KCNK3: variants seen among roughly 807,000 people sequenced by gnomAD.
KCNK3 encodes the protein potassium channel subfamily K member 3.
Under a neutral mutation model 27.3 loss-of-function variants are expected in KCNK3, and 9 were observed. The ratio of observed to expected loss-of-function variants is 0.33; its 90% CI spans 0.20 to 0.57. KCNK3 has a LOEUF of 0.57. Among genes scored for constraint, KCNK3 ranks in the 20% least tolerant of loss-of-function variants. The probability of loss-of-function intolerance (pLI) is 0.87; values close to 1 mark genes in which losing one functional copy is unlikely to be tolerated. For missense variants in KCNK3, 391 were observed against 577.7 expected (o/e 0.68, Z 3.31); for synonymous variants, 278 against 273.8 (o/e 1.02, Z -0.15).
At chr2:26,709,929 G>A (rs920775191) in intron 1 of KCNK3, among the ~76,000 whole-genome samples, 1 of 152,180 alleles carries the variant, frequency 6.6e-6, no homozygotes, top group African/African-American at 2.4e-5. Context: ...CCCTGCCGCC[G>A]CCTTCCACAT....
In KCNK3 at chr2:26,693,990, C is replaced by CAG. The variant is rs143468627; in HGVS notation, c.283+848_283+849dup. 4.0e-5 allele frequency among the ~76,000 whole-genome samples: 6 copies of CAG among 149,026 alleles called. No homozygotes were observed. The highest frequency in any genetic ancestry group is 1.9e-4 in the East Asian group (1 of 5,150). On this transcript the variant is annotated intron_variant, in intron 1 of 1. Transcript: ENST00000302909. This position sits in a 1 kb window ranked among gnomAD's most constrained non-coding sequence, Gnocchi z 5.5. ...ACACACACACACACAGAGAGAGAGA[C>CAG]AGAGAGAGAGAGAGAGAACAAACGT... is the stretch of plus-strand genomic sequence containing the variant.
At chr2:26,700,600 G>A (rs1397432241) in intron 1 of KCNK3, among the ~76,000 whole-genome samples, 2 of 152,222 alleles carry the variant, frequency 1.3e-5, no homozygotes, top group Admixed American at 1.3e-4. Context: ...ACACAGCAAA[G>A]ATCCCTTAGT....
Position 26,713,804 on chromosome 2 carries a change from T to C in KCNK3, c.284-13863T>C, listed in dbSNP as rs567938003. Among the ~76,000 whole-genome samples the C allele has an allele frequency of 5.0e-3, 713 of 144,022 alleles. 7 individuals carry two copies. The highest frequency in any genetic ancestry group is 0.018 in the African/African-American group (682 of 38,526). 94.5% of individuals were successfully genotyped at this position (144,022 alleles called of 152,430 possible). A position where few individuals can be genotyped will look rare whatever the true frequency, so the allele number is the denominator to read the frequency against. On this transcript the variant is annotated intron_variant, in intron 1 of 1. Coordinates refer to ENST00000302909, the MANE Select transcript of KCNK3 (RefSeq NM_002246.3). ...AAAAAAAAAAAAAAGGGCTGGGTGC[T>C]GTGGCTCACACTTGTAATCCCAGCA...
chr2:26,710,184 G>T (rs1448952217), intron 1 of KCNK3, among the ~76,000 whole-genome samples: 2 of 152,246 alleles, frequency 1.3e-5, no homozygotes, highest in African/African-American at 4.8e-5. Context: ...ACCTGGGCCT[G>T]CGAGACAGAA....
chr2:26,712,371 TTGAG>T (rs1479587190), intron 1 of KCNK3, among the ~76,000 whole-genome samples: 2 of 151,908 alleles, frequency 1.3e-5, no homozygotes, highest in African/African-American at 4.8e-5. Context: ...GGGTGCAGGG[TTGAG>T]TGAGTATGTT....
chr2:26,727,276 T>C (rs1663437134), intron 1 of KCNK3, among the ~76,000 whole-genome samples: 1 of 152,174 alleles, frequency 6.6e-6, no homozygotes, highest in Non-Finnish European at 1.5e-5. Flanking sequence ...CTCTCCCAGC[T>C]GACCTGTGCC....
intron 1 of KCNK3, among the ~76,000 whole-genome samples, chr2:26,723,685 A>T (rs978699530): frequency 6.6e-6 from 1 of 152,202 alleles, no homozygotes; most frequent in Non-Finnish European, 1.5e-5. Flanking sequence ...CTGGGCCTCC[A>T]TTTCCTCATC....
In KCNK3 at chr2:26,729,890, A is replaced by C. The variant is rs966282642; in HGVS notation, c.*1322A>C. ...ACAAGAGCCCAGCCTGCTTGTTGCT[A>C]GCCAAAGTGTTCTTTCCTTCCAGCT... On this transcript the variant is annotated 3_prime_UTR_variant, in exon 2 of 2. Transcript: ENST00000302909. 1 of 151,532 alleles carries C rather than the reference A, an allele frequency of 6.6e-6. No homozygotes were observed. Among genetic ancestry groups the C allele is most frequent in the African/African-American group, 2.4e-5 (1 of 41,198 alleles). The allele number at this position is 151,532 out of a possible 1,614,324, so 9.4% of individuals were successfully genotyped here.
chr2:26,717,192 A>G (rs1187892919), intron 1 of KCNK3, among the ~76,000 whole-genome samples: 1 of 152,144 alleles, frequency 6.6e-6, no homozygotes, highest in Non-Finnish European at 1.5e-5. Flanking sequence ...CCTATGCACC[A>G]TCACCCTCTG....
rs1246636506 is a variant in KCNK3 at position 26,721,022 on chromosome 2, G to A, written c.284-6645G>A. Among the ~76,000 whole-genome samples the A allele has an allele frequency of 6.6e-6, 1 of 152,158 alleles. No individual in the cohort carries two copies. Among genetic ancestry groups the A allele is most frequent in the Non-Finnish European group, 1.5e-5 (1 of 68,016 alleles). On this transcript the variant is annotated intron_variant, in intron 1 of 1. Coordinates refer to ENST00000302909, the MANE Select transcript of KCNK3 (RefSeq NM_002246.3). The surrounding 1 kb of genome is among the most constrained non-coding windows in gnomAD (Gnocchi z 4.3). Reference sequence around the variant, plus strand: ...GCCAGAGGCCACAGTGAAGGCAGGAGCTATGAGTCACCCGAGGCCCTCCTG... The same window carrying A: ...GCCAGAGGCCACAGTGAAGGCAGGAACTATGAGTCACCCGAGGCCCTCCTG...
chr2:26,719,888 C>T (rs537861809), intron 1 of KCNK3, among the ~76,000 whole-genome samples: 3 of 152,328 alleles, frequency 2.0e-5, no homozygotes, highest in Admixed American at 2.0e-4. Context: ...GCCCTGGATT[C>T]CAGTCCTAGC....
chr2:26,693,229 G>A lies in KCNK3; in HGVS notation c.283+71G>A, dbSNP rs1436638579. 1.7e-6 allele frequency: 2 copies of A among 1,153,406 alleles called. No individual in the cohort carries two copies. The highest frequency in any genetic ancestry group is 2.3e-6 in the Non-Finnish European group (2 of 879,470). The allele number at this position is 1,153,406 out of a possible 1,614,324, so 71.4% of individuals were successfully genotyped here. Reference sequence around the variant, plus strand: ...GGGCTCCGGGAGTCGTCCGGGGCCGGCTGGGGCTGGGGGCGGGGGCTCCCC... The same window carrying A: ...GGGCTCCGGGAGTCGTCCGGGGCCGACTGGGGCTGGGGGCGGGGGCTCCCC... On this transcript the variant is annotated intron_variant, in intron 1 of 1. Coordinates refer to ENST00000302909, the MANE Select transcript of KCNK3 (RefSeq NM_002246.3). This position sits in a 1 kb window ranked among gnomAD's most constrained non-coding sequence, Gnocchi z 5.5.
intron 1 of KCNK3, among the ~76,000 whole-genome samples, chr2:26,695,093 A>G (rs1454649454): frequency 1.3e-5 from 2 of 152,032 alleles, no homozygotes; most frequent in East Asian, 1.9e-4. Context: ...CCTGGCTCCA[A>G]CCTCTATGTC....
rs1317702105 is a variant in KCNK3, at chr2:26,728,918, G to A, written c.*350G>A. 1 of 249,482 alleles carries A rather than the reference G, an allele frequency of 4.0e-6. No homozygotes were observed. Among genetic ancestry groups the A allele is most frequent in the Non-Finnish European group, 7.6e-6 (1 of 131,418 alleles). 15.5% of individuals were successfully genotyped at this position (249,482 alleles called of 1,614,324 possible). The stretch of plus-strand genomic sequence containing the variant: ...TACCCAGACCCCCACCTTCGGAGGG[G>A]ACTTCATGTTCCGTGTACGTTTGCA... On this transcript the variant is annotated 3_prime_UTR_variant, in exon 2 of 2. Transcript: ENST00000302909.
At position 26,702,097 on chromosome 2, in the gene KCNK3, C is replaced by G. The variant is rs116560237; in HGVS notation, c.283+8939C>G. ...GACCTATTAGTTATTTTTCCTGATC[C>G]TCTCTCTCCTTCTACCCTCCACCCT... On this transcript the variant is annotated intron_variant, in intron 1 of 1. Transcript: ENST00000302909. Among the ~76,000 whole-genome samples, 287 of 152,280 alleles carry G rather than the reference C, an allele frequency of 1.9e-3. 2 individuals carry two copies. The highest frequency in any genetic ancestry group is 6.8e-3 in the African/African-American group (282 of 41,532).
intron 1 of KCNK3, among the ~76,000 whole-genome samples, chr2:26,702,070 A>C (rs1256741787): frequency 6.6e-6 from 1 of 152,190 alleles, no homozygotes; most frequent in Non-Finnish European, 1.5e-5. Context: ...TACTAAGCCT[A>C]GGACCTATTA....
At chr2:26,707,970 C>T (rs1670395855) in intron 1 of KCNK3, among the ~76,000 whole-genome samples, 1 of 152,222 alleles carries the variant, frequency 6.6e-6, no homozygotes. Flanking sequence ...CCTCTCTGAG[C>T]ATCTTCCCTG....
intron 1 of KCNK3, among the ~76,000 whole-genome samples, chr2:26,711,390 C>T (rs1663106839): frequency 6.6e-6 from 1 of 152,172 alleles, no homozygotes; most frequent in African/African-American, 2.4e-5. Flanking sequence ...CCACTAAGTC[C>T]CCTCCAAGGC....
At chr2:26,694,814 T>C (rs745428603) in intron 1 of KCNK3, among the ~76,000 whole-genome samples, 11 of 152,104 alleles carry the variant, frequency 7.2e-5, no homozygotes, top group East Asian at 1.9e-4. Context: ...CTGAACATCT[T>C]TGGACCCTCT....
Sources: gnomAD v4.1 joint callset for allele counts (sites outside exome capture counted in the v4.1 genomes callset) on GRCh38, gnomAD v4.1.1 for gene constraint, Gnocchi (gnomAD v3.1) non-coding constraint, MANE v1.5 for transcripts, NCBI Gene and HGNC (gene_info 2026-07-23, HGNC 2026-07-21) for gene names.